PRMT8: variants seen among roughly 807,000 people sequenced by gnomAD.
PRMT8 encodes protein arginine N-methyltransferase 8.
In PRMT8, 7 loss-of-function variants were observed where a neutral mutation model predicts 47.1. That is an observed-to-expected ratio of 0.15 (90% confidence interval 0.08 to 0.28). PRMT8 has a LOEUF of 0.28. PRMT8 is among the 10% of genes least tolerant of loss of function. The pLI is 1.00. For synonymous variants in PRMT8, 188 were observed against 186.5 expected, an observed-to-expected ratio of 1.01 and a Z score of -0.07; for missense variants, 237 against 505.4, an observed-to-expected ratio of 0.47 and a Z score of 5.09.
chr12:3,580,520 C>G lies in PRMT8; in HGVS notation c.829-2538C>G, dbSNP rs1027838234. On this transcript the variant is annotated intron_variant, in intron 7 of 9. Coordinates refer to ENST00000382622, the MANE Select transcript of PRMT8 (RefSeq NM_019854.5). The surrounding 1 kb of genome is among the most constrained non-coding windows in gnomAD (Gnocchi z 4.6). ...CTAGGCAAAGAAGTAAGTCTTCAAG[C>G]AGGGAGACCTGTTCTGAGAAGAAGA... 6.6e-6 allele frequency among the ~76,000 whole-genome samples: 1 copy of G among 152,142 alleles called. No homozygotes were observed. The highest frequency in any genetic ancestry group is 2.4e-5 in the African/African-American group (1 of 41,434).
At chr12:3,574,971 G>A (rs1447458724) in intron 6 of PRMT8, among the ~76,000 whole-genome samples, 1 of 152,228 alleles carries the variant, frequency 6.6e-6, no homozygotes, top group Non-Finnish European at 1.5e-5. Context: ...AGGGTGGATA[G>A]CTATTTCCAC....
At chr12:3,518,486 A>T (rs1488802079) in intron 1 of PRMT8, among the ~76,000 whole-genome samples, 1 of 151,768 alleles carries the variant, frequency 6.6e-6, no homozygotes, top group Non-Finnish European at 1.5e-5. Flanking sequence ...CAATTTTTGT[A>T]CCTGGGCTAA....
chr12:3,419,440 A>G lies in PRMT8; in HGVS notation c.48+37998A>G, dbSNP rs111569705. Among the ~76,000 whole-genome samples, 571 of 152,232 alleles carry G rather than the reference A, an allele frequency of 3.8e-3. 4 individuals are homozygous for G. The highest frequency in any genetic ancestry group is 6.7e-3 in the Non-Finnish European group (456 of 68,002). ...CTGAGCCCTCGAACCCTGAAGCTGC[A>G]TGCTTTCTTTTACCTGCTCATCTAC... On this transcript the variant is annotated intron_variant, in intron 1 of 9. Coordinates refer to the PRMT8 transcript ENST00000452611.
At chr12:3,467,239 CAAAAAAAAAAA>C (rs10694948) in intron 1 of PRMT8, among the ~76,000 whole-genome samples, 1 of 48,818 alleles carries the variant, frequency 2.0e-5, no homozygotes, top group African/African-American at 1.2e-4. Context: ...GACTCCATCT[CAAAAAAAAAAA>C]AAAAAAAAAA....
intron 1 of PRMT8, among the ~76,000 whole-genome samples, chr12:3,447,836 ATTCTT>A (rs1246585740): frequency 6.6e-6 from 1 of 152,206 alleles, no homozygotes; most frequent in Non-Finnish European, 1.5e-5. Flanking sequence ...ATTTTAGACA[ATTCTT>A]TTCTTAAGGA....
chr12:3,487,231 C>T (rs1865331197), upstream of PRMT8, among the ~76,000 whole-genome samples: 1 of 152,160 alleles, frequency 6.6e-6, no homozygotes, highest in Non-Finnish European at 1.5e-5. Flanking sequence ...CATATGTGAA[C>T]CCTGGCCATG....
In PRMT8 at chr12:3,493,404, C is replaced by G. The variant is rs1349785407; in HGVS notation, c.75+1704C>G. Among the ~76,000 whole-genome samples, 2 of 152,132 alleles carry G rather than the reference C, an allele frequency of 1.3e-5. No homozygotes were observed. The highest frequency in any genetic ancestry group is 2.4e-5 in the African/African-American group (1 of 41,410). ...GCGCTTCTGTGAAGTGTGGAGCGAG[C>G]GGGCACGTAGCGGTCTCTGCCAGGT... On this transcript the variant is annotated intron_variant, in intron 1 of 9. Transcript: ENST00000382622. This position sits in a 1 kb window ranked among gnomAD's most constrained non-coding sequence, Gnocchi z 8.2.
At chr12:3,556,508 G>A (rs1358987849) in intron 4 of PRMT8, among the ~76,000 whole-genome samples, 1 of 152,086 alleles carries the variant, frequency 6.6e-6, no homozygotes. Context: ...TGGCCACATG[G>A]AGGTTACCAG....
chr12:3,585,461 C>T (rs1315329060), intron 8 of PRMT8, among the ~76,000 whole-genome samples: 6 of 141,964 alleles, frequency 4.2e-5, no homozygotes, highest in South Asian at 2.3e-4. Flanking sequence ...TGGGCTCAAG[C>T]GATCCTCCTG....
chr12:3,416,501 T>A (rs1417161532), intron 1 of PRMT8, among the ~76,000 whole-genome samples: 1 of 152,158 alleles, frequency 6.6e-6, no homozygotes, highest in East Asian at 1.9e-4. Context: ...AAATGTCTTG[T>A]ATGAGGCAGG....
rs1865390951 is a variant in PRMT8, at chr12:3,491,264, C to G, written c.-362C>G. 6 of 1,039,950 alleles carry G rather than the reference C, an allele frequency of 5.8e-6. No individual in the cohort carries two copies. Among genetic ancestry groups the G allele is most frequent in the Middle Eastern group, 4.6e-4 (1 of 2,186 alleles). The allele number at this position is 1,039,950 out of a possible 1,614,324, so 64.4% of individuals were successfully genotyped here. On this transcript the variant is annotated 5_prime_UTR_variant, in exon 1 of 10. Transcript: ENST00000382622. ...TGGCGGCTGCCTCCGGCCGGCCGGA[C>G]TTTGCGAGCAGCCTGGAGAGGATCC...
chr12:3,555,203 G>A (rs1866504560), intron 4 of PRMT8, among the ~76,000 whole-genome samples: 2 of 152,196 alleles, frequency 1.3e-5, no homozygotes, highest in South Asian at 4.1e-4. Flanking sequence ...AAATAAAGAA[G>A]CAGACACTCA....
rs946418053 is a variant in PRMT8 at position 3,582,938 on chromosome 12, A to G, written c.829-120A>G. ...GGGAGCCTGGGAAATCACCCCAAGAATAAAGATATCCCTCAGAGAGCTGAC... is the reference window on the plus strand; with the variant it reads ...GGGAGCCTGGGAAATCACCCCAAGAGTAAAGATATCCCTCAGAGAGCTGAC... On this transcript the variant is annotated intron_variant, in intron 7 of 9. Transcript: ENST00000382622. The G allele has an allele frequency of 1.1e-5, 13 of 1,233,946 alleles. No individual in the cohort carries two copies. In the African/African-American group the frequency reaches 1.5e-4, roughly 14 times the overall value. 76.4% of individuals were successfully genotyped at this position (1,233,946 alleles called of 1,614,324 possible).
At chr12:3,457,096 G>A (rs1018373216) in intron 1 of PRMT8, among the ~76,000 whole-genome samples, 12 of 152,162 alleles carry the variant, frequency 7.9e-5, no homozygotes, top group Admixed American at 7.2e-4. Flanking sequence ...TGTTTGCAGA[G>A]GAGGCATCTC....
Position 3,491,348 on chromosome 12 carries a change from G to A in PRMT8, c.-278G>A. ...GGGCTGCTTCCCTCGAGCTTAGCCC[G>A]CAGCGCGGGTGGAGAGGGGCGGGGA... On this transcript the variant is annotated 5_prime_UTR_variant, in exon 1 of 10. Coordinates refer to ENST00000382622, the MANE Select transcript of PRMT8 (RefSeq NM_019854.5). 1 of 1,139,968 alleles carries A rather than the reference G, an allele frequency of 8.8e-7. No homozygotes were observed. The highest frequency in any genetic ancestry group is 4.8e-5 in the East Asian group (1 of 20,890). The allele number at this position is 1,139,968 out of a possible 1,614,324, so 70.6% of individuals were successfully genotyped here.
At chr12:3,560,417 C>T (rs1209648949) in intron 4 of PRMT8, among the ~76,000 whole-genome samples, 3 of 152,234 alleles carry the variant, frequency 2.0e-5, no homozygotes, top group Admixed American at 6.5e-5. Context: ...GCGGCAGGCA[C>T]GCAGCCTTCA....
At chr12:3,429,630 C>T (rs926118821) in intron 1 of PRMT8, among the ~76,000 whole-genome samples, 5 of 152,232 alleles carry the variant, frequency 3.3e-5, no homozygotes, top group African/African-American at 4.8e-5. Flanking sequence ...ACCAAAGTGA[C>T]AGTACAGGCA....
At chr12:3,546,008 A>G (rs1464756878) in intron 2 of PRMT8, among the ~76,000 whole-genome samples, 2 of 152,268 alleles carry the variant, frequency 1.3e-5, no homozygotes, top group Non-Finnish European at 1.5e-5. Flanking sequence ...TTTTTTGATC[A>G]CAATGAATTG....
In PRMT8 at chr12:3,583,400, A is replaced by T. The variant is rs190850133; in HGVS notation, c.979+192A>T. Among the ~76,000 whole-genome samples the T allele has an allele frequency of 6.6e-6, 1 of 152,298 alleles. No homozygotes were observed. Among genetic ancestry groups the T allele is most frequent in the East Asian group, 1.9e-4 (1 of 5,164 alleles). On this transcript the variant is annotated intron_variant, in intron 8 of 9. Transcript: ENST00000382622. The surrounding 1 kb of genome is among the most constrained non-coding windows in gnomAD (Gnocchi z 4.7). Reference sequence around the variant, plus strand: ...GTGCTGTCCAAGGAGAAGGTAAATAATGTTGTGGTTGTTACAGCACAAGTT... The same window carrying T: ...GTGCTGTCCAAGGAGAAGGTAAATATTGTTGTGGTTGTTACAGCACAAGTT...
Sources: allele counts gnomAD v4.1 joint callset (sites outside exome capture counted in the v4.1 genomes callset), GRCh38; gene constraint gnomAD v4.1.1; non-coding constraint Gnocchi (gnomAD v3.1); transcripts MANE v1.5; gene names NCBI Gene and HGNC (gene_info 2026-07-23, HGNC 2026-07-21).